Variants in UPF2 observed in about 807,000 individuals in gnomAD.
UPF2 encodes UPF2 regulator of nonsense mediated mRNA decay, also known as regulator of nonsense transcripts 2.
Under a neutral mutation model 141.4 loss-of-function variants are expected in UPF2, and 17 were observed. That is an observed-to-expected ratio of 0.12 (90% confidence interval 0.08 to 0.18). The LOEUF is 0.18. UPF2 is among the 10% of genes least tolerant of loss of function. UPF2 has a pLI of 1.00. For missense variants in UPF2, 1,152 were observed against 1,515.9 expected, an observed-to-expected ratio of 0.76 and a Z score of 3.99; for synonymous variants, 540 against 498.0, an observed-to-expected ratio of 1.08 and a Z score of -1.12.
chr10:11,960,959 G>A (rs913223542), intron 11 of UPF2, among the ~76,000 whole-genome samples: 1 of 151,508 alleles, frequency 6.6e-6, no homozygotes, highest in Non-Finnish European at 1.5e-5. Context: ...GCATAGTGGT[G>A]TGCATCCATA....
At chr10:11,975,467 A>C (rs1833491055) in intron 9 of UPF2, among the ~76,000 whole-genome samples, 2 of 152,204 alleles carry the variant, frequency 1.3e-5, no homozygotes, top group African/African-American at 4.8e-5. Context: ...GTAAGATTTT[A>C]TATCTCGCTT....
At position 11,962,567 on chromosome 10, in the gene UPF2, T is replaced by A. The variant is rs568326644; in HGVS notation, c.2184+1442A>T. Among the ~76,000 whole-genome samples the A allele has an allele frequency of 2.0e-5, 3 of 152,316 alleles. No homozygotes were observed. The South Asian group carries it at 6.2e-4, about 32-fold the overall frequency. ...ACCCCGATTCATTTCTGCATTGTTG[T>A]CCCCCTGGGTTTCTGAAACAGCCTT... On this transcript the variant is annotated intron_variant, in intron 11 of 21. Coordinates refer to ENST00000357604, the MANE Select transcript of UPF2 (RefSeq NM_015542.4).
At chr10:12,035,650 ACTTGTTTTTTACTTTTT>A in intron 1 of UPF2, 1 of 502,316 alleles carries the variant, frequency 2.0e-6, no homozygotes, top group Non-Finnish European at 3.1e-6. Context: ...ATGTCTAAGT[ACTTGTTTTTTACTTTTT>A]ATAAGGAAAA....
intron 8 of UPF2, among the ~76,000 whole-genome samples, chr10:11,981,095 G>A (rs1653296080): frequency 6.6e-6 from 1 of 151,886 alleles, no homozygotes; most frequent in African/African-American, 2.4e-5. Context: ...CCTGGGAGGT[G>A]GAGGTTGCAG....
chr10:11,929,684 T>C lies in UPF2; in HGVS notation c.3809+181A>G, dbSNP rs1003389217. ...TAAAAAAAACAGAACAGCCATACTA[T>C]GGTATAAAGCAGGTTTTTCCCCCTC... On this transcript the variant is annotated intron_variant, in intron 21 of 21. Transcript: ENST00000357604. Among the ~76,000 whole-genome samples, 3 of 152,338 alleles carry C rather than the reference T, an allele frequency of 2.0e-5. No homozygotes were observed. The East Asian group carries it at 5.8e-4, about 29-fold the overall frequency.
chr10:11,968,244 TA>T (rs981803520), intron 9 of UPF2, among the ~76,000 whole-genome samples: 19 of 152,138 alleles, frequency 1.2e-4, no homozygotes, highest in African/African-American at 4.1e-4. Flanking sequence ...TTGCTCTGTA[TA>T]ACACCAGTCC....
At chr10:11,954,796 C>G (rs1243537098) in intron 14 of UPF2, among the ~76,000 whole-genome samples, 3 of 145,602 alleles carry the variant, frequency 2.1e-5, no homozygotes, top group Non-Finnish European at 4.5e-5. Flanking sequence ...GCCAACATAG[C>G]AAGACCCCAT....
At position 11,920,100 on chromosome 10, in the gene UPF2, G is replaced by T. The variant is rs939218230; in HGVS notation, c.*1198C>A. On this transcript the variant is annotated 3_prime_UTR_variant, in exon 22 of 22. Transcript: ENST00000357604. ...TGAAGATTGGGCAGCATTTCCATGT[G>T]AAATGTTACAACTTTACAAGTTTTG... 1.3e-5 allele frequency: 2 copies of T among 152,176 alleles called. No individual in the cohort carries two copies. Among genetic ancestry groups the T allele is most frequent in the African/African-American group, 4.8e-5 (2 of 41,442 alleles). The allele number at this position is 152,176 out of a possible 1,614,324, so 9.4% of individuals were successfully genotyped here.
intron 8 of UPF2, among the ~76,000 whole-genome samples, chr10:11,984,734 A>T (rs1833658385): frequency 1.3e-5 from 2 of 151,788 alleles, no homozygotes; most frequent in South Asian, 4.2e-4. Context: ...AAAAAAAAAA[A>T]AAGAGTCTCA....
At chr10:11,927,361 CT>C (rs1832726104) in intron 21 of UPF2, among the ~76,000 whole-genome samples, 1 of 152,218 alleles carries the variant, frequency 6.6e-6, no homozygotes, top group African/African-American at 2.4e-5. Flanking sequence ...AGATATTATG[CT>C]GGTGCAAAAG....
At chr10:11,993,415 C>A (rs1438119642) in intron 8 of UPF2, among the ~76,000 whole-genome samples, 1 of 151,554 alleles carries the variant, frequency 6.6e-6, no homozygotes, top group Non-Finnish European at 1.5e-5. Flanking sequence ...GACCTCTGGG[C>A]AAGAGGCCAA....
rs752571798 is a variant in UPF2, at chr10:12,021,203, C to CATTT, written c.1146-7023_1146-7020dup. 2.8e-4 allele frequency among the ~76,000 whole-genome samples: 43 copies of CATTT among 152,064 alleles called. 1 individual carries two copies. Among genetic ancestry groups the CATTT allele is most frequent in the Non-Finnish European group, 2.9e-5 (2 of 68,020 alleles). On this transcript the variant is annotated intron_variant, in intron 3 of 21. Transcript: ENST00000357604. ...TGTTTTACCATCTTCAAAATATAGG[C>CATTT]ATTTATATAATATAGGTACTGTTAG...
chr10:11,958,530 G>A (rs995725130), intron 12 of UPF2, among the ~76,000 whole-genome samples: 6 of 152,140 alleles, frequency 3.9e-5, no homozygotes, highest in African/African-American at 1.4e-4. Context: ...TTTCAAACCT[G>A]CAACATCATT....
chr10:11,959,032 T>C lies in UPF2; in HGVS notation c.2370+139A>G. On this transcript the variant is annotated intron_variant, in intron 12 of 21. Coordinates refer to ENST00000357604, the MANE Select transcript of UPF2 (RefSeq NM_015542.4). The surrounding 1 kb of genome is among the most constrained non-coding windows in gnomAD (Gnocchi z 5.9). Reference sequence around the variant, plus strand: ...CAAATATTATATATCATCATAAGAATTCCTTCTTAGGGTGACTTACACAGA... The same window carrying C: ...CAAATATTATATATCATCATAAGAACTCCTTCTTAGGGTGACTTACACAGA... 2 of 637,072 alleles carry C rather than the reference T, an allele frequency of 3.1e-6. No homozygotes were observed. Among genetic ancestry groups the C allele is most frequent in the East Asian group, 3.3e-5 (1 of 30,754 alleles). The allele number at this position is 637,072 out of a possible 1,614,324, so 39.5% of individuals were successfully genotyped here.
rs12761723 is a variant in UPF2 at position 12,007,331 on chromosome 10, T to C, written c.1307-2604A>G. 6.0e-3 allele frequency among the ~76,000 whole-genome samples: 914 copies of C among 152,334 alleles called. 4 individuals are homozygous for C. Among genetic ancestry groups the C allele is most frequent in the Middle Eastern group, 0.024 (7 of 294 alleles). On this transcript the variant is annotated intron_variant, in intron 4 of 21. Transcript: ENST00000357604. ...AGAGTGGTTACCTTGGAGAATGTAATGCATCTGACAGTAAACTTTCACTTT... is the reference window on the plus strand; with the variant it reads ...AGAGTGGTTACCTTGGAGAATGTAACGCATCTGACAGTAAACTTTCACTTT...
chr10:12,019,662 G>A lies in UPF2; in HGVS notation c.1146-5478C>T, dbSNP rs755341261. ...AATTGCCTTCCTTTCGGCAACATACGTGAGACATCACTGTCCAGAAGAATC... is the reference window on the plus strand; with the variant it reads ...AATTGCCTTCCTTTCGGCAACATACATGAGACATCACTGTCCAGAAGAATC... On this transcript the variant is annotated intron_variant, in intron 3 of 21. Transcript: ENST00000357604. The surrounding 1 kb of genome is among the most constrained non-coding windows in gnomAD (Gnocchi z 4.5). 4.6e-5 allele frequency among the ~76,000 whole-genome samples: 7 copies of A among 152,104 alleles called. No homozygotes were observed. The South Asian group carries it at 1.0e-3, about 22-fold the overall frequency.
At chr10:12,007,295 T>C (rs1487028061) in intron 4 of UPF2, among the ~76,000 whole-genome samples, 1 of 152,212 alleles carries the variant, frequency 6.6e-6, no homozygotes, top group Non-Finnish European at 1.5e-5. Context: ...CACATTACTA[T>C]CAAGCTGTTA....
At chr10:11,952,674 C>G (rs989321525) in intron 14 of UPF2, among the ~76,000 whole-genome samples, 5 of 151,942 alleles carry the variant, frequency 3.3e-5, no homozygotes, top group Non-Finnish European at 1.5e-5. Context: ...CGGGGTTTCA[C>G]TGTGTTAGCC....
chr10:12,027,369 A>ATCTT, intron 3 of UPF2, among the ~76,000 whole-genome samples: 1 of 152,340 alleles, frequency 6.6e-6, no homozygotes, highest in East Asian at 1.9e-4. Context: ...AGTAGCCAAG[A>ATCTT]ACTAATCAAT....
Sources: allele counts gnomAD v4.1 joint callset (sites outside exome capture counted in the v4.1 genomes callset), GRCh38; gene constraint gnomAD v4.1.1; non-coding constraint Gnocchi (gnomAD v3.1); transcripts MANE v1.5; gene names NCBI Gene and HGNC (gene_info 2026-07-23, HGNC 2026-07-21).